The following AAK1 variants were observed in gnomAD, a reference collection of about 807,000 sequenced individuals.
AAK1 encodes the protein AP2 associated kinase 1, also known as AP2-associated protein kinase 1.
In AAK1, 37 loss-of-function variants were observed where a neutral mutation model predicts 116.0. The ratio of observed to expected loss-of-function variants is 0.32; its 90% CI spans 0.25 to 0.42. The LOEUF (loss-of-function observed/expected upper bound fraction) is 0.42. AAK1 is among the 10% of genes least tolerant of loss of function. The pLI is 1.00. For missense variants in AAK1, 919 were observed against 1,170.6 expected, an observed-to-expected ratio of 0.79 and a Z score of 3.14; for synonymous variants, 458 against 439.9, an observed-to-expected ratio of 1.04 and a Z score of -0.51.
intron 2 of AAK1, among the ~76,000 whole-genome samples, chr2:69,609,973 C>G (rs1376240675): frequency 6.9e-6 from 1 of 144,460 alleles, no homozygotes; most frequent in African/African-American, 2.8e-5. Flanking sequence ...TGGCGTGAAC[C>G]CGGGAGGCGG....
chr2:69,599,400 T>A (rs142104651), intron 2 of AAK1, among the ~76,000 whole-genome samples: 34,215 of 144,530 alleles, frequency 0.24, 4,912 homozygotes, highest in East Asian at 0.51. Flanking sequence ...AAAAAAAAAC[T>A]TCACTGAAAT....
At chr2:69,591,253 C>T (rs1235797344) in intron 2 of AAK1, among the ~76,000 whole-genome samples, 2 of 152,158 alleles carry the variant, frequency 1.3e-5, no homozygotes, top group African/African-American at 4.8e-5. Context: ...CCCAGTTCAG[C>T]ACCCAGGCTC....
chr2:69,597,171 G>A (rs1572992400), intron 2 of AAK1, among the ~76,000 whole-genome samples: 1 of 151,756 alleles, frequency 6.6e-6, no homozygotes, highest in South Asian at 2.1e-4. Context: ...ATTTATGGCA[G>A]AATTTCAAGC....
intron 16 of AAK1, among the ~76,000 whole-genome samples, chr2:69,501,339 T>A (rs1572899967): frequency 6.6e-6 from 1 of 151,966 alleles, no homozygotes; most frequent in African/African-American, 2.4e-5. Context: ...AATGAGAATA[T>A]CATACGAATA....
rs376419279 is a variant in AAK1, at chr2:69,530,111, G to A, written c.768C>T (p.Cys256=). The part of the protein sequence containing the change: ...WALGCLLYKL[C]YFTLPFGESQ... ...TTTCCCCAAATGGCAAAGTGAAGTA[G>A]CATAATTTATACAACAAACATCCAA... The change falls in exon 8 of 22, where the codon TGC becomes TGT. Residue 256 remains cysteine (C), a synonymous_variant. Transcript: ENST00000409085. 3 of 1,609,946 alleles carry A rather than the reference G, an allele frequency of 1.9e-6. No homozygotes were observed. Among genetic ancestry groups the A allele is most frequent in the African/African-American group, 2.7e-5 (2 of 74,770 alleles).
At chr2:69,524,944 AG>A (rs1669953565) in intron 10 of AAK1, 88 bp downstream of exon 10, 2 of 1,277,804 alleles carry the variant, frequency 1.6e-6, no homozygotes, top group African/African-American at 2.9e-5. Context: ...TGGTCATGAC[AG>A]CATACATAAG....
rs116073964 is a variant in AAK1 at position 69,555,398 on chromosome 2, G to A, written c.282+1462C>T. Among the ~76,000 whole-genome samples the A allele has an allele frequency of 4.3e-3, 650 of 152,286 alleles. 8 individuals carry two copies. Among genetic ancestry groups the A allele is most frequent in the African/African-American group, 0.015 (628 of 41,550 alleles). ...GTAGTGCCAGGCTCTCTAACACTCTGAGTACTTTCAGAAGTCCAACTGCAG... is the reference window on the plus strand; with the variant it reads ...GTAGTGCCAGGCTCTCTAACACTCTAAGTACTTTCAGAAGTCCAACTGCAG... On this transcript the variant is annotated intron_variant, in intron 3 of 21. Transcript: ENST00000409085.
At chr2:69,550,669 G>A (rs1406379554) in intron 3 of AAK1, among the ~76,000 whole-genome samples, 1 of 151,422 alleles carries the variant, frequency 6.6e-6, no homozygotes, top group Non-Finnish European at 1.5e-5. Context: ...AGTCTGGAAT[G>A]CAGTGGCACA....
intron 2 of AAK1, among the ~76,000 whole-genome samples, chr2:69,605,688 G>A (rs1405593386): frequency 6.6e-6 from 1 of 152,200 alleles, no homozygotes; most frequent in Non-Finnish European, 1.5e-5. Flanking sequence ...GTAGTTGTAT[G>A]TAAATTTATA....
chr2:69,582,679 A>T (rs1215780974), intron 2 of AAK1, among the ~76,000 whole-genome samples: 1 of 152,202 alleles, frequency 6.6e-6, no homozygotes, highest in Non-Finnish European at 1.5e-5. Context: ...TTTGAATGTT[A>T]AAAAAATCAA....
chr2:69,595,926 G>A (rs539096135), intron 2 of AAK1, among the ~76,000 whole-genome samples: 28 of 152,298 alleles, frequency 1.8e-4, no homozygotes, highest in African/African-American at 6.7e-4. Context: ...TGGCCAGACT[G>A]AAAATCCTAG....
chr2:69,468,068 G>C lies in AAK1; in HGVS notation c.*7801C>G. On this transcript the variant is annotated 3_prime_UTR_variant, in exon 22 of 22. Coordinates refer to ENST00000409085, the MANE Select transcript of AAK1 (RefSeq NM_014911.5). ...AGATTGGGGCGTTAAGTTAAATTCT[G>C]TACTGGTGCCAAATGGCTTTCAGAA... The C allele has an allele frequency of 6.1e-6, 6 of 985,370 alleles. No individual in the cohort carries two copies. The highest frequency in any genetic ancestry group is 7.2e-6 in the Non-Finnish European group (6 of 829,908). The allele number at this position is 985,370 out of a possible 1,614,324, so 61.0% of individuals were successfully genotyped here. A position where few individuals can be genotyped will look rare whatever the true frequency, so the allele number is the denominator to read the frequency against.
intron 20 of AAK1, chr2:69,478,433 T>G (rs774042500): frequency 2.0e-5 from 3 of 152,458 alleles, no homozygotes; most frequent in Non-Finnish European, 4.4e-5. Context: ...TTAATTTTAT[T>G]TATTTTTAGT....
chr2:69,563,951 T>A (rs1338815578), intron 2 of AAK1, among the ~76,000 whole-genome samples: 1 of 152,102 alleles, frequency 6.6e-6, no homozygotes, highest in Non-Finnish European at 1.5e-5. Context: ...CCCAGCACTT[T>A]GGGAGGCCGA....
At position 69,643,707 on chromosome 2, in the gene AAK1, GC is replaced by G; in HGVS notation, c.-368del. 8.2e-7 allele frequency: 1 copy of G among 1,216,090 alleles called. No individual in the cohort carries two copies. Among genetic ancestry groups the G allele is most frequent in the Non-Finnish European group, 1.0e-6 (1 of 978,026 alleles). 75.3% of individuals were successfully genotyped at this position (1,216,090 alleles called of 1,614,324 possible). A position where few individuals can be genotyped will look rare whatever the true frequency, so the allele number is the denominator to read the frequency against. ...GGCCGCGCTCGGCTCCCGCCCGCCC[GC>G]CAGCTGATCCCGGGAGCGCCGGGCG... On this transcript the variant is annotated 5_prime_UTR_variant, in exon 1 of 22. Transcript: ENST00000409085.
rs181414625 is a variant in AAK1 at position 69,578,434 on chromosome 2, C to T, written c.164-21456G>A. On this transcript the variant is annotated intron_variant, in intron 2 of 21. Coordinates refer to ENST00000409085, the MANE Select transcript of AAK1 (RefSeq NM_014911.5). ...CAATGAGATCCTGCTTGCAGGTGCA[C>T]CACCTCCTCCCCAACTCCCACTGAT... Among the ~76,000 whole-genome samples the T allele has an allele frequency of 1.5e-3, 227 of 152,256 alleles. 1 individual carries two copies. The highest frequency in any genetic ancestry group is 4.9e-3 in the African/African-American group (203 of 41,546).
At chr2:69,561,140 G>T (rs1671617279) in intron 2 of AAK1, among the ~76,000 whole-genome samples, 1 of 152,178 alleles carries the variant, frequency 6.6e-6, no homozygotes, top group African/African-American at 2.4e-5. Context: ...AGAGGCCAAA[G>T]AAAACACATC....
At chr2:69,476,197 C>T (rs927654688) in intron 21 of AAK1, among the ~76,000 whole-genome samples, 4 of 152,180 alleles carry the variant, frequency 2.6e-5, no homozygotes, top group African/African-American at 9.7e-5. Context: ...ACTCTGTGCA[C>T]ACCACAGTAT....
chr2:69,598,802 T>C (rs1398075904), intron 2 of AAK1: 1 of 208,954 alleles, frequency 4.8e-6, no homozygotes, highest in Non-Finnish European at 9.5e-6. Context: ...ATTATAGGTA[T>C]GAGCCGCTAA....
Sources: gnomAD v4.1 joint callset for allele counts (sites outside exome capture counted in the v4.1 genomes callset) on GRCh38, gnomAD v4.1.1 for gene constraint, MANE v1.5 for transcripts, NCBI Gene and HGNC (gene_info 2026-07-23, HGNC 2026-07-21) for gene names.